The following NDUFB3 variants were observed in gnomAD, a reference collection of about 807,000 sequenced individuals.
NDUFB3 encodes the protein NADH:ubiquinone oxidoreductase subunit B3.
Under a neutral mutation model 9.0 loss-of-function variants are expected in NDUFB3, and 7 were observed. The ratio of observed to expected loss-of-function variants is 0.78; its 90% CI spans 0.44 to 1.46. NDUFB3 has a LOEUF of 1.46. Among genes scored for constraint, NDUFB3 ranks in the 40% most tolerant of loss-of-function variants. The pLI is 0.01. For synonymous variants in NDUFB3, 29 were observed against 38.5 expected (o/e 0.75, Z 0.91); for missense variants, 93 against 115.4 (o/e 0.81, Z 0.89).
chr2:201,078,777 T>C, intron 1 of NDUFB3, 104 bp from the exon 2 acceptor site: 1 of 1,140,406 alleles, frequency 8.8e-7, no homozygotes, highest in Non-Finnish European at 1.2e-6. Context: ...ATTGGCTTTT[T>C]TTTTTAATAT....
chr2:201,084,471 C>G (rs141852703), intron 2 of NDUFB3, among the ~76,000 whole-genome samples: 1,726 of 151,126 alleles, frequency 0.011, 17 homozygotes, highest in Non-Finnish European at 0.017. Flanking sequence ...AATAAATAAA[C>G]AAACAAACAA....
chr2:201,082,778 A>C (rs1044347124), intron 2 of NDUFB3, among the ~76,000 whole-genome samples: 1 of 144,710 alleles, frequency 6.9e-6, no homozygotes, highest in Non-Finnish European at 1.5e-5. Flanking sequence ...CAGTGGCGCA[A>C]TCTCGGCTCA....
At chr2:201,082,247 C>A (rs1337839803) in intron 2 of NDUFB3, among the ~76,000 whole-genome samples, 1 of 151,512 alleles carries the variant, frequency 6.6e-6, no homozygotes, top group Non-Finnish European at 1.5e-5. Flanking sequence ...AGCCATCAGG[C>A]CTGGCGTTGT....
rs779904920 is a variant in NDUFB3, at chr2:201,078,897, T to G, written c.15T>G (p.His5Gln). Residue 5 changes from histidine (H) to glutamine (Q), a missense_variant, in exon 2 of 3, where the codon CAT becomes CAG. Physicochemically the swap from His to Gln is conservative, Grantham distance 24. Coordinates refer to ENST00000237889, the MANE Select transcript of NDUFB3 (RefSeq NM_002491.3). ...TCCTTACAGACATGGCCCATGAACA[T>G]GGACATGAGCATGGACATCATAAAA... MAHE[H>Q]GHEHGHHKME... 9.3e-6 allele frequency: 15 copies of G among 1,610,086 alleles called. No homozygotes were observed. The highest frequency in any genetic ancestry group is 8.4e-5 in the Admixed American group (5 of 59,252).
In NDUFB3 at chr2:201,085,598, G is replaced by C; in HGVS notation, c.280G>C (p.Asp94His). The C allele has an allele frequency of 6.2e-7, 1 of 1,610,980 alleles. No individual in the cohort carries two copies. The highest frequency in any genetic ancestry group is 8.5e-7 in the Non-Finnish European group (1 of 1,178,758). The change falls in exon 3 of 3, where the codon GAT becomes CAT. Residue 94 changes from aspartate (D) to histidine (H), a missense_variant. By Grantham distance (81) the Asp-to-His change is moderately conservative. Transcript: ENST00000237889. Reference protein sequence around the residue: ...AEYYLESLNKDKKHH With the variant: ...AEYYLESLNKHKKHH ...ATATTACCTGGAGTCCCTGAATAAA[G>C]ATAAGAAGCATCACTGAAGATAATA...
chr2:201,072,552 G>C (rs1021640197), intron 1 of NDUFB3, among the ~76,000 whole-genome samples: 8 of 152,126 alleles, frequency 5.3e-5, no homozygotes, highest in African/African-American at 1.7e-4. Flanking sequence ...GCTTCCTTTA[G>C]TGGAGGTTGA....
chr2:201,075,180 A>G (rs74799253), intron 1 of NDUFB3, among the ~76,000 whole-genome samples: 2 of 136,086 alleles, frequency 1.5e-5, no homozygotes, highest in South Asian at 2.2e-4. Context: ...ATCCTGTCTG[A>G]AAAAAAAAAA....
chr2:201,081,743 G>A (rs1343628962), intron 2 of NDUFB3, among the ~76,000 whole-genome samples: 1 of 151,584 alleles, frequency 6.6e-6, no homozygotes, highest in African/African-American at 2.4e-5. Flanking sequence ...CTGCCTCCTG[G>A]GTTTAAGCAA....
chr2:201,079,306 A>G (rs1274659978), intron 2 of NDUFB3, among the ~76,000 whole-genome samples: 1 of 151,072 alleles, frequency 6.6e-6, no homozygotes, highest in Non-Finnish European at 1.5e-5. Context: ...CACCAAGCCC[A>G]GCTACTTTTT....
intron 2 of NDUFB3, among the ~76,000 whole-genome samples, 156 bp from the exon 3 acceptor site, chr2:201,085,303 T>G (rs990079607): frequency 6.6e-6 from 1 of 152,238 alleles, no homozygotes; most frequent in Non-Finnish European, 1.5e-5. Flanking sequence ...ATATACTTAA[T>G]TATCCTATGC....
rs781198264 is a variant in NDUFB3, at chr2:201,079,042, TTAGA to T, written c.140+25_140+28del. 6.2e-7 allele frequency: 1 copy of T among 1,600,684 alleles called. No homozygotes were observed. The highest frequency in any genetic ancestry group is 1.1e-5 in the South Asian group (1 of 88,530). Reference sequence around the variant, plus strand: ...GGGCCGGTAAGATGAATTAAGTAATTTAGATAGAATGTATCCTAGAGAATCAAGT... The same window carrying T: ...GGGCCGGTAAGATGAATTAAGTAATTTAGAATGTATCCTAGAGAATCAAGT... On this transcript the variant is annotated intron_variant, in intron 2 of 2. Coordinates refer to ENST00000237889, the MANE Select transcript of NDUFB3 (RefSeq NM_002491.3).
intron 2 of NDUFB3, among the ~76,000 whole-genome samples, chr2:201,081,385 A>C (rs2047220317): frequency 6.6e-6 from 1 of 151,864 alleles, no homozygotes; most frequent in African/African-American, 2.4e-5. Context: ...CAGGAGGCTG[A>C]GACAGGAGAA....
At chr2:201,081,058 A>G (rs968759189) in intron 2 of NDUFB3, among the ~76,000 whole-genome samples, 1 of 152,096 alleles carries the variant, frequency 6.6e-6, no homozygotes, top group Non-Finnish European at 1.5e-5. Flanking sequence ...TTGCTTTTAC[A>G]TATAAACTTT....
chr2:201,072,770 G>A (rs921692742), intron 1 of NDUFB3, among the ~76,000 whole-genome samples: 3 of 152,048 alleles, frequency 2.0e-5, no homozygotes, highest in African/African-American at 4.8e-5. Context: ...ACAGAAGGGT[G>A]TATAAAACAT....
rs1366301117 is a variant in NDUFB3 at position 201,085,507 on chromosome 2, T to G, written c.189T>G (p.Phe63Leu). 1 of 1,612,826 alleles carries G rather than the reference T, an allele frequency of 6.2e-7. No homozygotes were observed. Among genetic ancestry groups the G allele is most frequent in the South Asian group, 1.1e-5 (1 of 90,936 alleles). ...GTGGCTTTGCAAAGAGTGTTTCCTT[T>G]TCTGATGTATTCTTTAAAGGATTCA... ...YMGGFAKSVS[F>L]SDVFFKGFKW... Residue 63 changes from phenylalanine to leucine, a missense_variant, in exon 3 of 3, where the codon TTT becomes TTG. Coordinates refer to ENST00000237889, the MANE Select transcript of NDUFB3 (RefSeq NM_002491.3).
intron 1 of NDUFB3, among the ~76,000 whole-genome samples, chr2:201,076,363 A>T (rs1254875026): frequency 6.6e-6 from 1 of 151,572 alleles, no homozygotes; most frequent in Admixed American, 6.6e-5. Flanking sequence ...TTTAAAAACT[A>T]GCCAGGCGTT....
At chr2:201,073,496 C>T (rs2047121566) in intron 1 of NDUFB3, among the ~76,000 whole-genome samples, 2 of 152,152 alleles carry the variant, frequency 1.3e-5, no homozygotes, top group African/African-American at 4.8e-5. Context: ...AGGCTGGGCA[C>T]GGTGGCTCAC....
At chr2:201,073,767 T>C (rs534952911) in intron 1 of NDUFB3, among the ~76,000 whole-genome samples, 3 of 150,636 alleles carry the variant, frequency 2.0e-5, no homozygotes, top group East Asian at 3.9e-4. Flanking sequence ...TGATACTCCA[T>C]CTCAAAAAAA....
intron 1 of NDUFB3, among the ~76,000 whole-genome samples, chr2:201,078,599 A>G (rs2125534461): frequency 6.6e-6 from 1 of 152,332 alleles, no homozygotes; most frequent in Non-Finnish European, 1.5e-5. Context: ...GTTTACTATT[A>G]TTATAATGAA....
Sources: allele counts gnomAD v4.1 joint callset (sites outside exome capture counted in the v4.1 genomes callset), GRCh38; gene constraint gnomAD v4.1.1; transcripts MANE v1.5; gene names NCBI Gene and HGNC (gene_info 2026-07-23, HGNC 2026-07-21).